Variants in DNA2 observed in about 807,000 individuals in gnomAD.
DNA2 encodes DNA replication helicase/nuclease 2, also known as DNA replication ATP-dependent helicase/nuclease DNA2.
Under a neutral mutation model 119.1 loss-of-function variants are expected in DNA2, and 101 were observed. The ratio of observed to expected loss-of-function variants is 0.85; its 90% CI spans 0.72 to 1.00. DNA2 has a LOEUF of 1.00. Ranked by LOEUF, DNA2 falls within the 50% of genes least tolerant of loss-of-function variation. The pLI, the probability that DNA2 is intolerant of heterozygous loss-of-function variation, is 0.00. For synonymous variants in DNA2, 366 were observed against 424.4 expected, an observed-to-expected ratio of 0.86 and a Z score of 1.69; for missense variants, 1,121 against 1,255.5, an observed-to-expected ratio of 0.89 and a Z score of 1.62.
intron 2 of DNA2, among the ~76,000 whole-genome samples, chr10:68,469,271 C>A (rs1451322759): frequency 6.6e-6 from 1 of 151,468 alleles, no homozygotes; most frequent in Non-Finnish European, 1.5e-5. Flanking sequence ...GAAGGCCGGG[C>A]GCGGTGGCTC....
intron 14 of DNA2, among the ~76,000 whole-genome samples, chr10:68,424,117 A>T (rs1417474458): frequency 1.3e-5 from 2 of 151,998 alleles, no homozygotes; most frequent in Non-Finnish European, 2.9e-5. Flanking sequence ...TTTAATGAGT[A>T]ATTATGAACA....
At chr10:68,468,453 T>A in intron 2 of DNA2, 147 bp from the exon 3 acceptor site, 4 of 531,232 alleles carry the variant, frequency 7.5e-6, no homozygotes, top group South Asian at 5.3e-5. Flanking sequence ...AAAAAAAAAA[T>A]CAAATAGCAG....
At chr10:68,449,983 A>AG (rs1276443550) in intron 6 of DNA2, 45 bp downstream of exon 6, 1 of 1,398,118 alleles carries the variant, frequency 7.2e-7, no homozygotes, top group East Asian at 2.5e-5. Context: ...CAAAAAAAAA[A>AG]AAAAAAAAGT....
Position 68,471,906 on chromosome 10 carries a change from G to A in DNA2, c.-42C>T, listed in dbSNP as rs763651770. 8 of 1,613,854 alleles carry A rather than the reference G, an allele frequency of 5.0e-6. No homozygotes were observed. In the South Asian group the frequency reaches 5.5e-5, roughly 11 times the overall value. On this transcript the variant is annotated 5_prime_UTR_variant, in exon 1 of 21. Transcript: ENST00000358410. ...GCAAACTGTAGACAGAAAAGACAGC[G>A]GAACCGGGGGTAACACAGAAAGCTT...
At chr10:68,418,336 T>C (rs2051618517) in intron 19 of DNA2, among the ~76,000 whole-genome samples, 1 of 148,750 alleles carries the variant, frequency 6.7e-6, no homozygotes, top group African/African-American at 2.5e-5. Context: ...CACTTGAACC[T>C]GGGAGGCGAA....
chr10:68,468,998 C>A (rs2052356546), intron 2 of DNA2, among the ~76,000 whole-genome samples: 1 of 151,932 alleles, frequency 6.6e-6, no homozygotes, highest in Non-Finnish European at 1.5e-5. Context: ...TGCAGTGAGC[C>A]GCGATCACGC....
chr10:68,432,520 C>A lies in DNA2; in HGVS notation c.1647-10G>T. On this transcript the variant is annotated splice_polypyrimidine_tract_variant and intron_variant, in intron 10 of 20. Coordinates refer to ENST00000358410, the MANE Select transcript of DNA2 (RefSeq NM_001080449.3). Reference sequence around the variant, plus strand: ...AAGGACCGACAAGTTTCTAAAACAACAAAACAAATATACATGAATGCTCGC... The same window carrying A: ...AAGGACCGACAAGTTTCTAAAACAAAAAAACAAATATACATGAATGCTCGC... The A allele has an allele frequency of 1.4e-6, 2 of 1,412,704 alleles. No homozygotes were observed. Among genetic ancestry groups the A allele is most frequent in the East Asian group, 4.8e-5 (2 of 41,654 alleles). The allele number at this position is 1,412,704 out of a possible 1,614,324, so 87.5% of individuals were successfully genotyped here.
rs1019516001 is a variant in DNA2, at chr10:68,440,174, C to T, written c.1415+2743G>A. ...CAAAAATTAGCTGGGTGTGGTGGCA[C>T]GTGCCTGTAAACCCAGCTTCTTGGG... On this transcript the variant is annotated intron_variant, in intron 9 of 20. Transcript: ENST00000358410. Among the ~76,000 whole-genome samples the T allele has an allele frequency of 5.3e-5, 8 of 151,784 alleles. No individual in the cohort carries two copies. In the East Asian group the frequency reaches 1.2e-3, roughly 22 times the overall value.
chr10:68,469,929 A>T, intron 2 of DNA2, 52 bp downstream of exon 2: 1 of 1,510,948 alleles, frequency 6.6e-7, no homozygotes, highest in Non-Finnish European at 8.9e-7. Flanking sequence ...GATGAGTTTT[A>T]CGACAGTACC....
rs954368865 is a variant in DNA2, at chr10:68,423,785, T to A, written c.2209-895A>T. On this transcript the variant is annotated intron_variant, in intron 14 of 20. Transcript: ENST00000358410. ...AGCCTAGACTTCCACCCCAACCAAGTGGGCCCAGCGGTAACGAGGAACCTC... is the reference window on the plus strand; with the variant it reads ...AGCCTAGACTTCCACCCCAACCAAGAGGGCCCAGCGGTAACGAGGAACCTC... Among the ~76,000 whole-genome samples, 7 of 152,082 alleles carry A rather than the reference T, an allele frequency of 4.6e-5. No individual in the cohort carries two copies. In the East Asian group the frequency reaches 1.3e-3, roughly 29 times the overall value.
At chr10:68,419,975 T>G in intron 17 of DNA2, 83 bp from the exon 18 acceptor site, 1 of 1,051,030 alleles carries the variant, frequency 9.5e-7, no homozygotes, top group Non-Finnish European at 1.4e-6. Context: ...AAGACTATAC[T>G]ACCGACTTGG....
rs1161341149 is a variant in DNA2, at chr10:68,432,220, G to A, written c.1859C>T (p.Ala620Val). The change falls in exon 12 of 21, where the codon GCC (alanine) becomes GTC (valine). Residue 620 changes from alanine (A) to valine (V), a missense_variant. Physicochemically the swap from Ala to Val is moderately conservative, Grantham distance 64 (BLOSUM62 0). Coordinates refer to ENST00000358410, the MANE Select transcript of DNA2 (RefSeq NM_001080449.3). ...VLPHDAKDTVACILKGLNKPQ... is the reference protein window; with the variant it reads ...VLPHDAKDTVVCILKGLNKPQ... The stretch of plus-strand genomic sequence containing the variant: ...TTTTAGCATACCCTTTAGAATGCAG[G>A]CAACTGTATCCTTTGCATCATGTGG... 6.3e-7 allele frequency: 1 copy of A among 1,584,206 alleles called. No homozygotes were observed. The highest frequency in any genetic ancestry group is 8.6e-7 in the Non-Finnish European group (1 of 1,166,028).
At chr10:68,419,510 T>C (rs1258377613) in intron 18 of DNA2, 19 of 513,002 alleles carry the variant, frequency 3.7e-5, no homozygotes, top group Non-Finnish European at 6.2e-5. Context: ...ACATTTCACC[T>C]TCTGCTATTT....
intron 6 of DNA2, 122 bp downstream of exon 6, chr10:68,449,906 G>A (rs1018792470): frequency 7.5e-6 from 5 of 671,010 alleles, no homozygotes; most frequent in South Asian, 4.0e-5. Flanking sequence ...CCCAGGAGGC[G>A]GAGCTTTCAG....
At position 68,439,608 on chromosome 10, in the gene DNA2, C is replaced by T. The variant is rs533525112; in HGVS notation, c.1416-2367G>A. On this transcript the variant is annotated intron_variant, in intron 9 of 20. Coordinates refer to ENST00000358410, the MANE Select transcript of DNA2 (RefSeq NM_001080449.3). Reference sequence around the variant, plus strand: ...ATCCCAGCACTTTGGGAGGCCGAAGCGTGTGGATCATCTGAGGTTGGGAGT... The same window carrying T: ...ATCCCAGCACTTTGGGAGGCCGAAGTGTGTGGATCATCTGAGGTTGGGAGT... Among the ~76,000 whole-genome samples, 13 of 151,214 alleles carry T rather than the reference C, an allele frequency of 8.6e-5. No individual in the cohort carries two copies. The South Asian group carries it at 2.1e-3, about 24-fold the overall frequency.
In DNA2 at chr10:68,422,618, A is replaced by G. The variant is rs772424013; in HGVS notation, c.2403-14T>C. On this transcript the variant is annotated splice_polypyrimidine_tract_variant and intron_variant, in intron 15 of 20. Coordinates refer to ENST00000358410, the MANE Select transcript of DNA2 (RefSeq NM_001080449.3). ...ATGCCAAGAGCTCTGTCAATAAATC[A>G]GATTCATGTTTATCAGTGTACTAAA... 1.9e-6 allele frequency: 3 copies of G among 1,613,824 alleles called. No individual in the cohort carries two copies. In the South Asian group the frequency reaches 3.3e-5, roughly 18 times the overall value.
intron 4 of DNA2, among the ~76,000 whole-genome samples, chr10:68,462,127 T>G (rs900130533): frequency 6.6e-6 from 1 of 152,180 alleles, no homozygotes; most frequent in African/African-American, 2.4e-5. Context: ...TCCCAACACT[T>G]TGGGAAGCCA....
intron 10 of DNA2, 171 bp downstream of exon 10, chr10:68,436,840 G>A: frequency 1.7e-6 from 1 of 576,140 alleles, no homozygotes; most frequent in Non-Finnish European, 3.0e-6. Context: ...CTTCTTCCTT[G>A]GGAGTTTCTT....
intron 5 of DNA2, among the ~76,000 whole-genome samples, chr10:68,452,716 C>T (rs1397946150): frequency 6.7e-6 from 1 of 149,528 alleles, no homozygotes; most frequent in East Asian, 2.0e-4. Context: ...AAACTACAGG[C>T]ATCTGCCATT....
Sources: allele counts gnomAD v4.1 joint callset (sites outside exome capture counted in the v4.1 genomes callset), GRCh38; gene constraint gnomAD v4.1.1; transcripts MANE v1.5; gene names NCBI Gene and HGNC (gene_info 2026-07-23, HGNC 2026-07-21).